Variants in ANKRD26 observed in about 807,000 individuals in gnomAD.
The protein encoded by ANKRD26 is ankyrin repeat domain 26.
In ANKRD26, 141 loss-of-function variants were observed where a neutral mutation model predicts 208.7. The observed-to-expected ratio is 0.68, with a 90% confidence interval of 0.59 to 0.78. The LOEUF (loss-of-function observed/expected upper bound fraction) is 0.78. ANKRD26 is among the 30% of genes least tolerant of loss of function. The probability of loss-of-function intolerance (pLI) is 0.00; values close to 1 mark genes in which losing one functional copy is unlikely to be tolerated. For synonymous variants in ANKRD26, 636 were observed against 660.4 expected, an observed-to-expected ratio of 0.96 and a Z score of 0.57; for missense variants, 1,889 against 1,938.7, an observed-to-expected ratio of 0.97 and a Z score of 0.48.
intron 15 of ANKRD26, among the ~76,000 whole-genome samples, chr10:27,053,976 T>C (rs1290104296): frequency 6.6e-6 from 1 of 152,212 alleles, no homozygotes; most frequent in Non-Finnish European, 1.5e-5. Flanking sequence ...TCCTTACATC[T>C]GAAATGTTTT....
chr10:27,000,512 C>T (rs1413216866), downstream of ANKRD26, among the ~76,000 whole-genome samples: 1 of 151,612 alleles, frequency 6.6e-6, no homozygotes, highest in Non-Finnish European at 1.5e-5. Flanking sequence ...AAATCCAAGA[C>T]TCTACAGATA....
chr10:27,055,171 T>C (rs1313053644), intron 15 of ANKRD26, among the ~76,000 whole-genome samples: 1 of 152,192 alleles, frequency 6.6e-6, no homozygotes, highest in Non-Finnish European at 1.5e-5. Context: ...ACTCTATTCA[T>C]TACCTTATAA....
chr10:26,970,967 T>C (rs551303049), downstream of ANKRD26, among the ~76,000 whole-genome samples: 1 of 152,334 alleles, frequency 6.6e-6, no homozygotes, highest in East Asian at 1.9e-4. Context: ...GACTTTGTAA[T>C]AGGGCAATTT....
At chr10:27,014,848 G>C in intron 30 of ANKRD26, 137 bp from the exon 31 acceptor site, 1 of 687,516 alleles carries the variant, frequency 1.5e-6, no homozygotes, top group South Asian at 1.9e-5. Context: ...AGCAGGCATT[G>C]GTCAAAGAGA....
At chr10:26,972,915 C>G (rs2052172131), downstream of ANKRD26, among the ~76,000 whole-genome samples, 1 of 151,946 alleles carries the variant, frequency 6.6e-6, no homozygotes, top group African/African-American at 2.4e-5. Flanking sequence ...TTCAAGCTAT[C>G]TTAATGCTGG....
intron 5 of ANKRD26, among the ~76,000 whole-genome samples, chr10:26,994,173 A>G (rs905438020): frequency 1.3e-5 from 2 of 152,166 alleles, no homozygotes; most frequent in Admixed American, 6.5e-5. Flanking sequence ...AAGATCCTCT[A>G]AATTTGTGGA....
chr10:26,995,848 G>A (rs931414019), intron 4 of ANKRD26, among the ~76,000 whole-genome samples: 11 of 152,270 alleles, frequency 7.2e-5, no homozygotes, highest in Non-Finnish European at 1.3e-4. Context: ...TGTCATCCAC[G>A]TATTGGATGA....
chr10:26,970,479 C>T (rs778584687), downstream of ANKRD26, among the ~76,000 whole-genome samples: 41 of 152,152 alleles, frequency 2.7e-4, no homozygotes, highest in Admixed American at 4.6e-4. Context: ...CTCAATACTG[C>T]TTTCCCCATG....
chr10:27,079,581 C>T (rs954845895), intron 6 of ANKRD26, among the ~76,000 whole-genome samples: 2 of 152,102 alleles, frequency 1.3e-5, no homozygotes, highest in African/African-American at 4.8e-5. Flanking sequence ...AGATCAGATG[C>T]GGTGGCTCGT....
chr10:27,005,502 G>T lies in ANKRD26; in HGVS notation c.*88C>A. On this transcript the variant is annotated 3_prime_UTR_variant, in exon 34 of 34. Coordinates refer to ENST00000376087, the MANE Select transcript of ANKRD26 (RefSeq NM_014915.3). ...TCTGACATATATGATACAAAAATACGTTCCTTTAATATTTTTACATGTCAT... is the reference window on the plus strand; with the variant it reads ...TCTGACATATATGATACAAAAATACTTTCCTTTAATATTTTTACATGTCAT... The T allele has an allele frequency of 1.9e-6, 3 of 1,543,806 alleles. No individual in the cohort carries two copies. Among genetic ancestry groups the T allele is most frequent in the Non-Finnish European group, 2.6e-6 (3 of 1,143,124 alleles).
At chr10:26,953,786 A>C in the ANKRD26 span, among the ~76,000 whole-genome samples, 1 of 152,236 alleles carries the variant, frequency 6.6e-6, no homozygotes, top group Non-Finnish European at 1.5e-5. Context: ...TTGTTAAAGC[A>C]TCACATGGGT....
At chr10:26,953,798 A>C in the ANKRD26 span, among the ~76,000 whole-genome samples, 1 of 152,166 alleles carries the variant, frequency 6.6e-6, no homozygotes, top group Non-Finnish European at 1.5e-5. Flanking sequence ...CACATGGGTG[A>C]GGGTTTAATA....
Position 27,035,852 on chromosome 10 carries a change from G to C in ANKRD26, c.2698-100C>G, listed in dbSNP as rs66585308. 0.093 allele frequency: 85,394 copies of C among 919,808 alleles called. 5,326 individuals carry two copies. The highest frequency in any genetic ancestry group is 0.27 in the East Asian group (10,549 of 39,142). The allele number at this position is 919,808 out of a possible 1,614,324, so 57.0% of individuals were successfully genotyped here. On this transcript the variant is annotated intron_variant, in intron 23 of 33. Transcript: ENST00000376087. ...ATAAACTGTACATTTTACAATAAAGGGTTGCAATAAGTGTATATCCAATTG... is the reference window on the plus strand; with the variant it reads ...ATAAACTGTACATTTTACAATAAAGCGTTGCAATAAGTGTATATCCAATTG...
chr10:27,017,407 T>C, intron 30 of ANKRD26, 95 bp downstream of exon 30: 1 of 1,315,732 alleles, frequency 7.6e-7, no homozygotes, highest in Non-Finnish European at 1.1e-6. Flanking sequence ...ACAGAACAAA[T>C]TGCTATAAGG....
chr10:26,965,814 G>A, the ANKRD26 span, among the ~76,000 whole-genome samples: 1 of 152,052 alleles, frequency 6.6e-6, no homozygotes, highest in African/African-American at 2.4e-5. Flanking sequence ...ATCAAAAAGT[G>A]GGCAAAGGAT....
intron 30 of ANKRD26, among the ~76,000 whole-genome samples, chr10:27,015,087 G>A (rs563311307): frequency 6.6e-6 from 1 of 152,250 alleles, no homozygotes; most frequent in East Asian, 1.9e-4. Context: ...CTACAAATGT[G>A]GAGATATTTT....
chr10:26,984,350 C>A (rs978741346), intron 3 of ANKRD26, among the ~76,000 whole-genome samples: 2 of 152,182 alleles, frequency 1.3e-5, no homozygotes, highest in African/African-American at 4.8e-5. Context: ...GTTTAGTGAA[C>A]TGGAGGCTAA....
At chr10:27,050,235 AAAAAAAAAAAAAG>A (rs2054603693) in intron 16 of ANKRD26, among the ~76,000 whole-genome samples, 1 of 149,356 alleles carries the variant, frequency 6.7e-6, no homozygotes, top group Non-Finnish European at 1.5e-5. Context: ...AAAAAAAAAA[AAAAAAAAAAAAAG>A]AAAGAAAGAA....
chr10:27,014,694 T>A lies in ANKRD26; in HGVS notation c.4524A>T (p.Gln1508His). Reference protein sequence around the residue: ...NLFLQAQAASQENLEQFRENN... With the variant: ...NLFLQAQAASHENLEQFRENN... ...TCTCTCTAAACTGCTCTAAGTTTTCTTGAGATGCTGCTTGTGCCTAAAACA... is the reference window on the plus strand; with the variant it reads ...TCTCTCTAAACTGCTCTAAGTTTTCATGAGATGCTGCTTGTGCCTAAAACA... Residue 1508 changes from glutamine (Q) to histidine (H), a missense_variant, in exon 31 of 34, where the codon CAA (glutamine) becomes CAT (histidine). Physicochemically the swap from Gln to His is conservative, Grantham distance 24. Around this residue, in one of 3 missense-constraint regions of ANKRD26, gnomAD observed 613 missense variants for 648.2 expected, o/e 0.95. Transcript: ENST00000376087. The A allele has an allele frequency of 6.2e-7, 1 of 1,612,866 alleles. No individual in the cohort carries two copies. Among genetic ancestry groups the A allele is most frequent in the Non-Finnish European group, 8.5e-7 (1 of 1,179,602 alleles).
Sources: gnomAD v4.1 joint callset for allele counts (sites outside exome capture counted in the v4.1 genomes callset) on GRCh38, gnomAD v4.1.1 for gene constraint, gnomAD v4.1.1 regional missense constraint, MANE v1.5 for transcripts, NCBI Gene and HGNC (gene_info 2026-07-23, HGNC 2026-07-21) for gene names.